The following LAMA2 variants were observed in gnomAD, a reference collection of about 807,000 sequenced individuals.
LAMA2 encodes laminin subunit alpha-2.
In LAMA2, 269 loss-of-function variants were observed where a neutral mutation model predicts 364.8. That is an observed-to-expected ratio of 0.74 (90% CI 0.67 to 0.82). The LOEUF (loss-of-function observed/expected upper bound fraction) is 0.82. LAMA2 is among the 40% of genes least tolerant of loss of function. The pLI, the probability that LAMA2 is intolerant of heterozygous loss-of-function variation, is 0.00. For missense variants in LAMA2, 3,807 were observed against 3,873.2 expected, an observed-to-expected ratio of 0.98 and a Z score of 0.45; for synonymous variants, 1,379 against 1,370.6, an observed-to-expected ratio of 1.01 and a Z score of -0.14.
chr6:128,889,303 A>C (rs531334536), intron 1 of LAMA2, among the ~76,000 whole-genome samples: 1 of 152,338 alleles, frequency 6.6e-6, no homozygotes, highest in Non-Finnish European at 1.5e-5. Flanking sequence ...CAATTGTTGA[A>C]AATGACATAG....
chr6:129,013,630 A>G (rs1784903313), intron 1 of LAMA2, among the ~76,000 whole-genome samples: 2 of 152,166 alleles, frequency 1.3e-5, no homozygotes, highest in East Asian at 3.8e-4. Flanking sequence ...AGGGACCAGA[A>G]CATGTAGCAC....
intron 1 of LAMA2, among the ~76,000 whole-genome samples, chr6:128,935,441 C>T (rs2114526936): frequency 6.6e-6 from 1 of 152,212 alleles, no homozygotes. Context: ...ATATGTGCCA[C>T]ATTTTCTTTA....
intron 4 of LAMA2, among the ~76,000 whole-genome samples, chr6:129,137,522 T>A (rs1777870579): frequency 2.6e-5 from 4 of 152,190 alleles, no homozygotes; most frequent in South Asian, 4.1e-4. Context: ...ATAATATTTT[T>A]AAAAATAAGT....
chr6:129,262,569 A>G (rs904404168), intron 15 of LAMA2, among the ~76,000 whole-genome samples: 1 of 152,210 alleles, frequency 6.6e-6, no homozygotes, highest in African/African-American at 2.4e-5. Flanking sequence ...TTTGTAATCC[A>G]TAAAAGAACT....
At chr6:128,927,739 CTT>C (rs1424435685) in intron 1 of LAMA2, among the ~76,000 whole-genome samples, 7 of 151,892 alleles carry the variant, frequency 4.6e-5, no homozygotes, top group Non-Finnish European at 1.0e-4. Flanking sequence ...TGAGCAAGGT[CTT>C]GATTCTATTT....
At chr6:129,401,589 T>C (rs1236476358) in intron 38 of LAMA2, among the ~76,000 whole-genome samples, 1 of 152,250 alleles carries the variant, frequency 6.6e-6, no homozygotes, top group Admixed American at 6.5e-5. Flanking sequence ...TCCACAGCGA[T>C]GAAGGACATT....
intron 12 of LAMA2, among the ~76,000 whole-genome samples, chr6:129,233,130 G>C (rs939507281): frequency 3.3e-5 from 5 of 152,124 alleles, no homozygotes; most frequent in African/African-American, 1.2e-4. Context: ...AGTCATTTTA[G>C]CTAAAGGAGA....
At chr6:129,071,701 T>G (rs1773323293) in intron 3 of LAMA2, among the ~76,000 whole-genome samples, 1 of 152,200 alleles carries the variant, frequency 6.6e-6, no homozygotes, top group South Asian at 2.1e-4. Flanking sequence ...TCTGAACAAT[T>G]GAGTATTTTT....
At chr6:128,893,945 A>G (rs1776619182) in intron 1 of LAMA2, among the ~76,000 whole-genome samples, 1 of 152,084 alleles carries the variant, frequency 6.6e-6, no homozygotes. Flanking sequence ...ATTACATGTT[A>G]TTTTAGTTTA....
chr6:128,905,684 G>A (rs1271527038), intron 1 of LAMA2: 4 of 150,112 alleles, frequency 2.7e-5, no homozygotes, highest in Non-Finnish European at 4.4e-5. Flanking sequence ...TGCACATTGT[G>A]CAGGTTAGTT....
intron 17 of LAMA2, among the ~76,000 whole-genome samples, chr6:129,277,534 T>C (rs907978946): frequency 1.3e-5 from 2 of 152,168 alleles, no homozygotes; most frequent in African/African-American, 4.8e-5. Flanking sequence ...CGAGTATCTA[T>C]ATTACTAGAA....
At chr6:128,929,213 C>T (rs62428463) in intron 1 of LAMA2, 48,732 of 1,482,312 alleles carry the variant, frequency 0.033, 1,063 homozygotes, top group Non-Finnish European at 0.039. Flanking sequence ...CACCCAGCGC[C>T]TTCTGAGCTT....
intron 4 of LAMA2, among the ~76,000 whole-genome samples, chr6:129,125,512 A>G (rs530970097): frequency 6.6e-6 from 1 of 152,322 alleles, no homozygotes; most frequent in South Asian, 2.1e-4. Flanking sequence ...AAGCACACAC[A>G]GTTTTGGACA....
intron 28 of LAMA2, among the ~76,000 whole-genome samples, chr6:129,321,115 G>T (rs979115078): frequency 6.6e-6 from 1 of 152,092 alleles, no homozygotes; most frequent in African/African-American, 2.4e-5. Context: ...CAACAGTGCT[G>T]CTATGAGTCA....
chr6:129,467,737 TAAAC>T (rs970250966), intron 51 of LAMA2, among the ~76,000 whole-genome samples: 3 of 151,838 alleles, frequency 2.0e-5, no homozygotes, highest in Admixed American at 1.3e-4. Flanking sequence ...TTAAAACAAA[TAAAC>T]AAAAGATCTG....
At chr6:128,949,754 T>C (rs1223541935) in intron 1 of LAMA2, among the ~76,000 whole-genome samples, 1 of 152,180 alleles carries the variant, frequency 6.6e-6, no homozygotes, top group Non-Finnish European at 1.5e-5. Flanking sequence ...TTGTAACTTA[T>C]TTTAGAGTTT....
chr6:128,897,845 G>A (rs1391167417), intron 1 of LAMA2, among the ~76,000 whole-genome samples: 1 of 152,134 alleles, frequency 6.6e-6, no homozygotes, highest in Non-Finnish European at 1.5e-5. Context: ...TAGTTAACAG[G>A]AGCTGTAGTA....
intron 37 of LAMA2, among the ~76,000 whole-genome samples, chr6:129,399,486 G>A (rs1043526229): frequency 6.6e-6 from 1 of 152,182 alleles, no homozygotes; most frequent in Non-Finnish European, 1.5e-5. Flanking sequence ...TAAACATTTT[G>A]TATGAAGGTA....
At chr6:129,020,784 C>G (rs971410848) in intron 1 of LAMA2, among the ~76,000 whole-genome samples, 1 of 152,130 alleles carries the variant, frequency 6.6e-6, no homozygotes, top group African/African-American at 2.4e-5. Flanking sequence ...GAGAAAGCCT[C>G]TCCCTGTGCT....
Sources: allele counts gnomAD v4.1 joint callset (sites outside exome capture counted in the v4.1 genomes callset), GRCh38; gene constraint gnomAD v4.1.1; transcripts MANE v1.5; gene names NCBI Gene and HGNC (gene_info 2026-07-23, HGNC 2026-07-21).